Variants in PKIG observed in about 807,000 individuals in gnomAD.
PKIG encodes cAMP-dependent protein kinase inhibitor gamma.
A neutral mutation model predicts 6.8 loss-of-function variants in PKIG; 1 was observed. The observed-to-expected ratio is 0.15, with a 90% CI of 0.05 to 0.69. PKIG has a LOEUF of 0.69. Ranked by LOEUF, PKIG falls within the 30% of genes least tolerant of loss-of-function variation. The pLI, the probability that PKIG is intolerant of heterozygous loss-of-function variation, is 0.82. For synonymous variants in PKIG, 39 were observed against 43.0 expected (o/e 0.91, Z 0.36); for missense variants, 77 against 104.0 (o/e 0.74, Z 1.13).
At chr20:44,565,580 C>A (rs904301867) in intron 1 of PKIG, among the ~76,000 whole-genome samples, 1 of 152,186 alleles carries the variant, frequency 6.6e-6, no homozygotes, top group Non-Finnish European at 1.5e-5. Flanking sequence ...CAGAAACTGT[C>A]CCATAACAGT....
intron 3 of PKIG, among the ~76,000 whole-genome samples, chr20:44,617,279 A>T (rs2065273768): frequency 6.6e-6 from 1 of 152,084 alleles, no homozygotes; most frequent in Non-Finnish European, 1.5e-5. Context: ...GTGAGCTTGT[A>T]GGGCACCTAG....
intron 2 of PKIG, among the ~76,000 whole-genome samples, chr20:44,602,845 A>G (rs1036056282): frequency 2.0e-5 from 3 of 151,924 alleles, no homozygotes; most frequent in African/African-American, 7.3e-5. Flanking sequence ...CATCTCAAAA[A>G]AAAAAAAAAA....
intron 1 of PKIG, among the ~76,000 whole-genome samples, chr20:44,576,158 AGTGT>A (rs3221821): frequency 0.051 from 7,134 of 140,182 alleles, 190 homozygotes; most frequent in African/African-American, 0.057. Flanking sequence ...GACTAAGTAG[AGTGT>A]GTGTGTGTGT....
upstream of PKIG, among the ~76,000 whole-genome samples, chr20:44,582,034 G>A (rs2064952534): frequency 1.3e-5 from 2 of 151,988 alleles, no homozygotes. Context: ...GTTTCCCAGG[G>A]GACACACCAG....
intron 2 of PKIG, among the ~76,000 whole-genome samples, chr20:44,595,650 A>C (rs1159273405): frequency 6.6e-6 from 1 of 152,164 alleles, no homozygotes; most frequent in Non-Finnish European, 1.5e-5. Context: ...AGTAGCTGGG[A>C]TCACAGGCGT....
rs754630122 is a variant in PKIG at position 44,614,735 on chromosome 20, C to G, written c.151+28C>G. 1.9e-6 allele frequency: 3 copies of G among 1,611,474 alleles called. No individual in the cohort carries two copies. The highest frequency in any genetic ancestry group is 2.2e-5 in the South Asian group (2 of 91,012). On this transcript the variant is annotated intron_variant, in intron 3 of 3. Coordinates refer to ENST00000372886, the MANE Select transcript of PKIG (RefSeq NM_001281445.2). This position sits in a 1 kb window ranked among gnomAD's most constrained non-coding sequence, Gnocchi z 4.6. Reference sequence around the variant, plus strand: ...TAGAGCCAGCAGGTCCTTGGCACTACTGCATGCCAGAGGCCCTCTGCCGGG... The same window carrying G: ...TAGAGCCAGCAGGTCCTTGGCACTAGTGCATGCCAGAGGCCCTCTGCCGGG...
intron 1 of PKIG, chr20:44,564,404 T>C (rs1328436052): frequency 6.6e-6 from 1 of 152,240 alleles, no homozygotes; most frequent in East Asian, 1.9e-4. Flanking sequence ...TAAGACTTTC[T>C]GCTACCGTGG....
At chr20:44,591,499 C>T (rs375763441) in intron 2 of PKIG, among the ~76,000 whole-genome samples, 10 of 151,894 alleles carry the variant, frequency 6.6e-5, no homozygotes, top group East Asian at 1.9e-4. Flanking sequence ...CTCATCACCT[C>T]TCTTCTTAGC....
In PKIG at chr20:44,618,521, T is replaced by G. The variant is rs1285109555; in HGVS notation, c.*157T>G. The G allele has an allele frequency of 3.3e-6, 2 of 606,086 alleles. No homozygotes were observed. Among genetic ancestry groups the G allele is most frequent in the Non-Finnish European group, 5.9e-6 (2 of 337,844 alleles). 37.5% of individuals were successfully genotyped at this position (606,086 alleles called of 1,614,324 possible). A position where few individuals can be genotyped will look rare whatever the true frequency, so the allele number is the denominator to read the frequency against. On this transcript the variant is annotated 3_prime_UTR_variant, in exon 4 of 4. Transcript: ENST00000372886. ...CCCCAGAGGCCTCTGTGGCCTCCAC[T>G]CCGGGAAAGCCCTCTGCCCACACCC... is the stretch of plus-strand genomic sequence containing the variant.
intron 2 of PKIG, among the ~76,000 whole-genome samples, chr20:44,591,817 A>G (rs2065035870): frequency 6.6e-6 from 1 of 152,222 alleles, no homozygotes; most frequent in Non-Finnish European, 1.5e-5. Flanking sequence ...TTCCAGAGAA[A>G]TCTCTCTGTT....
In PKIG at chr20:44,614,850, G is replaced by T; in HGVS notation, c.151+143G>T. 1 of 792,256 alleles carries T rather than the reference G, an allele frequency of 1.3e-6. No homozygotes were observed. The highest frequency in any genetic ancestry group is 2.0e-6 in the Non-Finnish European group (1 of 506,998). 49.1% of individuals were successfully genotyped at this position (792,256 alleles called of 1,614,324 possible). A position where few individuals can be genotyped will look rare whatever the true frequency, so the allele number is the denominator to read the frequency against. ...CAGGCCTGCCCCATGGTCAGTGGCA[G>T]AGTCCAGCAATCTCTAGGTTGGAAG... On this transcript the variant is annotated intron_variant, in intron 3 of 3. Coordinates refer to ENST00000372886, the MANE Select transcript of PKIG (RefSeq NM_001281445.2). This position sits in a 1 kb window ranked among gnomAD's most constrained non-coding sequence, Gnocchi z 4.6.
chr20:44,605,176 C>T (rs1229534764), intron 2 of PKIG, among the ~76,000 whole-genome samples: 4 of 152,010 alleles, frequency 2.6e-5, no homozygotes, highest in South Asian at 2.1e-4. Context: ...GAGGCCGAGA[C>T]GGGCGGATCA....
intron 1 of PKIG, among the ~76,000 whole-genome samples, chr20:44,570,418 A>G (rs1281080435): frequency 6.6e-6 from 1 of 152,208 alleles, no homozygotes; most frequent in Admixed American, 6.6e-5. Context: ...GTGCACATTT[A>G]AACTATTTAA....
At chr20:44,590,892 G>A (rs1220860023) in intron 2 of PKIG, among the ~76,000 whole-genome samples, 1 of 152,208 alleles carries the variant, frequency 6.6e-6, no homozygotes, top group East Asian at 1.9e-4. Context: ...AGCACTGTAG[G>A]GGGCACATTG....
intron 2 of PKIG, among the ~76,000 whole-genome samples, chr20:44,602,728 C>A (rs2065131927): frequency 6.6e-6 from 1 of 151,552 alleles, no homozygotes. Flanking sequence ...GTAATCCCAG[C>A]TACTTGGGAG....
chr20:44,610,579 C>G (rs1488600322), intron 2 of PKIG, among the ~76,000 whole-genome samples: 1 of 151,780 alleles, frequency 6.6e-6, no homozygotes, highest in Non-Finnish European at 1.5e-5. Context: ...CTGGGCACTT[C>G]TGCCAATGTC....
upstream of PKIG, among the ~76,000 whole-genome samples, chr20:44,578,656 C>T (rs1356374018): frequency 6.6e-6 from 1 of 152,202 alleles, no homozygotes; most frequent in Non-Finnish European, 1.5e-5. Context: ...ATGCTAGTGC[C>T]ATGCTTCTTA....
chr20:44,603,873 T>C (rs897804471), intron 2 of PKIG, among the ~76,000 whole-genome samples: 2 of 152,200 alleles, frequency 1.3e-5, no homozygotes, highest in Non-Finnish European at 2.9e-5. Flanking sequence ...TTAGTAATCA[T>C]ATATTGAGAA....
At chr20:44,603,743 C>T (rs2065141472) in intron 2 of PKIG, among the ~76,000 whole-genome samples, 1 of 152,080 alleles carries the variant, frequency 6.6e-6, no homozygotes, top group African/African-American at 2.4e-5. Context: ...AGGTATTTGC[C>T]CTGTGATGGT....
Sources: gnomAD v4.1 joint callset for allele counts (sites outside exome capture counted in the v4.1 genomes callset) on GRCh38, gnomAD v4.1.1 for gene constraint, Gnocchi (gnomAD v3.1) non-coding constraint, MANE v1.5 for transcripts, NCBI Gene and HGNC (gene_info 2026-07-23, HGNC 2026-07-21) for gene names.